Variants in CSMD1 observed in about 807,000 individuals in gnomAD.
CSMD1 encodes CUB and sushi domain-containing protein 1.
In CSMD1, 213 loss-of-function variants were observed where a neutral mutation model predicts 417.5. The ratio of observed to expected loss-of-function variants is 0.51; its 90% CI spans 0.46 to 0.57. The LOEUF (loss-of-function observed/expected upper bound fraction) is 0.57, where lower values mean the gene tolerates loss of function less well. CSMD1 is among the 20% of genes least tolerant of loss of function. The pLI is 0.00. For synonymous variants in CSMD1, 2,862 were observed against 1,736.8 expected (o/e 1.65, Z -16.11); for missense variants, 6,923 against 4,529.7 (o/e 1.53, Z -15.17).
At chr8:4,934,675 A>G (rs1330024974) in intron 1 of CSMD1, among the ~76,000 whole-genome samples, 2 of 152,168 alleles carry the variant, frequency 1.3e-5, no homozygotes, top group Non-Finnish European at 2.9e-5. Flanking sequence ...CCTATCATCT[A>G]TGATCCATCT....
intron 3 of CSMD1, among the ~76,000 whole-genome samples, chr8:4,276,005 G>C (rs930979665): frequency 1.3e-5 from 2 of 152,162 alleles, no homozygotes; most frequent in African/African-American, 4.8e-5. Context: ...AAATAGGAAT[G>C]CTTTTACAAT....
chr8:4,020,743 A>G (rs1796748728), intron 4 of CSMD1, among the ~76,000 whole-genome samples: 1 of 152,238 alleles, frequency 6.6e-6, no homozygotes, highest in Non-Finnish European at 1.5e-5. Flanking sequence ...TTCATTCATT[A>G]GACCCAACGT....
chr8:3,343,613 T>C (rs548251583), intron 22 of CSMD1, among the ~76,000 whole-genome samples, 163 bp from the exon 23 acceptor site: 1 of 152,328 alleles, frequency 6.6e-6, no homozygotes, highest in Admixed American at 6.5e-5. Flanking sequence ...CTAAATCATA[T>C]TTGTTCTTTA....
At chr8:4,205,755 G>C (rs912349951) in intron 3 of CSMD1, among the ~76,000 whole-genome samples, 4 of 151,988 alleles carry the variant, frequency 2.6e-5, no homozygotes, top group African/African-American at 9.7e-5. Context: ...GAGATGAACA[G>C]CTGTTTGGGC....
chr8:4,882,583 A>T (rs1387617614), intron 1 of CSMD1, among the ~76,000 whole-genome samples: 2 of 151,768 alleles, frequency 1.3e-5, no homozygotes, highest in Non-Finnish European at 2.9e-5. Flanking sequence ...AGAACATTCA[A>T]CCCCAAGCAT....
At chr8:3,941,348 G>T (rs970572124) in intron 5 of CSMD1, among the ~76,000 whole-genome samples, 2 of 152,006 alleles carry the variant, frequency 1.3e-5, no homozygotes, top group African/African-American at 4.8e-5. Context: ...CTTCTACATT[G>T]TATAATGAAT....
In CSMD1 at chr8:4,029,661, C is replaced by T. The variant is rs538176216; in HGVS notation, c.610+2244G>A. Reference sequence around the variant, plus strand: ...AACCATATCATTTCGCTCCTGGACCCACCCAAATCTCATGTCCTCACATTT... The same window carrying T: ...AACCATATCATTTCGCTCCTGGACCTACCCAAATCTCATGTCCTCACATTT... On this transcript the variant is annotated intron_variant, in intron 4 of 69. Coordinates refer to ENST00000635120, the MANE Select transcript of CSMD1 (RefSeq NM_033225.6). Among the ~76,000 whole-genome samples the T allele has an allele frequency of 8.6e-4, 131 of 152,212 alleles. 1 individual carries two copies. The highest frequency in any genetic ancestry group is 3.1e-3 in the African/African-American group (129 of 41,526).
chr8:4,579,788 A>G (rs1322975213), intron 2 of CSMD1, among the ~76,000 whole-genome samples: 3 of 152,092 alleles, frequency 2.0e-5, no homozygotes, highest in Non-Finnish European at 4.4e-5. Flanking sequence ...TTTTATTTCC[A>G]TTATTGGCTT....
chr8:4,894,941 G>T (rs1205338372), intron 1 of CSMD1, among the ~76,000 whole-genome samples: 1 of 152,150 alleles, frequency 6.6e-6, no homozygotes, highest in Non-Finnish European at 1.5e-5. Flanking sequence ...ATAAGGCCAG[G>T]AATCAAATGG....
Position 3,665,011 on chromosome 8 carries a change from T to C in CSMD1, c.1009+43403A>G, listed in dbSNP as rs560320282. 5.1e-4 allele frequency among the ~76,000 whole-genome samples: 77 copies of C among 152,180 alleles called. 1 individual carries two copies. Among genetic ancestry groups the C allele is most frequent in the African/African-American group, 1.8e-3 (73 of 41,554 alleles). On this transcript the variant is annotated intron_variant, in intron 7 of 69. Coordinates refer to ENST00000635120, the MANE Select transcript of CSMD1 (RefSeq NM_033225.6). ...ATGTATATTTGATATATATTATTAATGTAAAATAACATAATTATACATAAA... is the reference window on the plus strand; with the variant it reads ...ATGTATATTTGATATATATTATTAACGTAAAATAACATAATTATACATAAA...
chr8:3,546,901 C>G (rs925010494), intron 10 of CSMD1, among the ~76,000 whole-genome samples: 4 of 152,160 alleles, frequency 2.6e-5, no homozygotes, highest in African/African-American at 7.2e-5. Context: ...GAAAATGTTT[C>G]CACTGCTGCT....
chr8:4,297,684 A>G (rs1178903412), intron 3 of CSMD1, among the ~76,000 whole-genome samples: 1 of 152,176 alleles, frequency 6.6e-6, no homozygotes, highest in Non-Finnish European at 1.5e-5. Context: ...CTACTGTTTT[A>G]GCATTAACCC....
intron 7 of CSMD1, among the ~76,000 whole-genome samples, chr8:3,660,418 T>A (rs1017804197): frequency 5.9e-5 from 9 of 151,490 alleles, no homozygotes; most frequent in Admixed American, 5.3e-4. Context: ...TATTGTTGTT[T>A]GATCATCCAA....
At chr8:4,948,437 GTTCT>G (rs141767597) in intron 1 of CSMD1, among the ~76,000 whole-genome samples, 10,636 of 151,648 alleles carry the variant, frequency 0.07, 454 homozygotes, top group South Asian at 0.17. Flanking sequence ...TTCCTGATTT[GTTCT>G]TTCTATTTCT....
intron 29 of CSMD1, among the ~76,000 whole-genome samples, chr8:3,215,631 T>C (rs1351103945): frequency 6.6e-6 from 1 of 152,244 alleles, no homozygotes; most frequent in East Asian, 1.9e-4. Flanking sequence ...AAAACCTTTT[T>C]TCTTCAGTCA....
chr8:3,175,565 C>T (rs1266179888), intron 37 of CSMD1, among the ~76,000 whole-genome samples: 1 of 144,550 alleles, frequency 6.9e-6, no homozygotes, highest in Non-Finnish European at 1.5e-5. Flanking sequence ...CCCTCCCTGC[C>T]TTCCTTCCTT....
intron 1 of CSMD1, among the ~76,000 whole-genome samples, chr8:4,645,305 G>A (rs185111163): frequency 2.6e-5 from 4 of 152,044 alleles, no homozygotes; most frequent in Admixed American, 6.5e-5. Flanking sequence ...GTTGCCCCCA[G>A]GGGAGGCAGC....
chr8:2,994,342 G>C (rs1806684446), intron 54 of CSMD1, among the ~76,000 whole-genome samples: 1 of 152,100 alleles, frequency 6.6e-6, no homozygotes, highest in Non-Finnish European at 1.5e-5. Flanking sequence ...AGCATTTTCA[G>C]AGTAACATTG....
At chr8:2,987,086 C>T (rs938411231) in intron 54 of CSMD1, among the ~76,000 whole-genome samples, 2 of 151,934 alleles carry the variant, frequency 1.3e-5, no homozygotes, top group Admixed American at 6.6e-5. Flanking sequence ...ATGGTCTCTC[C>T]GACTATATTA....
Sources: allele counts gnomAD v4.1 joint callset (sites outside exome capture counted in the v4.1 genomes callset), GRCh38; gene constraint gnomAD v4.1.1; transcripts MANE v1.5; gene names NCBI Gene and HGNC (gene_info 2026-07-23, HGNC 2026-07-21).